XYLT1: variants seen among roughly 807,000 people sequenced by gnomAD.
XYLT1 encodes xylosyltransferase 1.
A neutral mutation model predicts 91.3 loss-of-function variants in XYLT1; 36 were observed. That is an observed-to-expected ratio of 0.39 (90% CI 0.30 to 0.52). XYLT1 has a LOEUF of 0.52. XYLT1 is among the 20% of genes least tolerant of loss of function. The pLI, the probability that XYLT1 is intolerant of heterozygous loss-of-function variation, is 0.68. For synonymous variants in XYLT1, 588 were observed against 532.0 expected, an observed-to-expected ratio of 1.11 and a Z score of -1.45; for missense variants, 1,242 against 1,284.5, an observed-to-expected ratio of 0.97 and a Z score of 0.51.
intron 3 of XYLT1, among the ~76,000 whole-genome samples, chr16:17,219,377 C>G (rs1046380654): frequency 2.6e-5 from 4 of 151,744 alleles, no homozygotes; most frequent in African/African-American, 7.3e-5. Context: ...CACACTGGAC[C>G]AGATGGACAT....
chr16:17,249,686 T>C, intron 3 of XYLT1: 1 of 148,024 alleles, frequency 6.8e-6, no homozygotes, highest in Non-Finnish European at 1.5e-5. Flanking sequence ...TTGTTTGTTT[T>C]GAGATAAAGT....
intron 2 of XYLT1, among the ~76,000 whole-genome samples, chr16:17,307,824 C>A (rs865943493): frequency 5.9e-5 from 9 of 152,282 alleles, no homozygotes; most frequent in Middle Eastern, 3.4e-3. Flanking sequence ...GGAGAGAAAA[C>A]CCAGCAGGGG....
chr16:17,298,017 C>T (rs1299288856), intron 2 of XYLT1, among the ~76,000 whole-genome samples: 1 of 147,482 alleles, frequency 6.8e-6, no homozygotes, highest in Non-Finnish European at 1.5e-5. Flanking sequence ...GAGACTCCGT[C>T]TCAAAAAAAA....
At chr16:17,302,826 T>C (rs1055025962) in intron 2 of XYLT1, among the ~76,000 whole-genome samples, 1 of 150,742 alleles carries the variant, frequency 6.6e-6, no homozygotes, top group Admixed American at 6.6e-5. Context: ...CAATAACGGG[T>C]TACTCAATCC....
chr16:17,431,148 A>C (rs977544193), intron 1 of XYLT1, among the ~76,000 whole-genome samples: 1 of 152,208 alleles, frequency 6.6e-6, no homozygotes. Context: ...GAGTAGCCAC[A>C]AAAAACAACA....
At chr16:17,275,674 C>T (rs917571569) in intron 2 of XYLT1, among the ~76,000 whole-genome samples, 17 of 152,162 alleles carry the variant, frequency 1.1e-4, no homozygotes, top group Admixed American at 6.5e-4. Flanking sequence ...CCCTATACAC[C>T]TTCTCTGTCT....
intron 9 of XYLT1, among the ~76,000 whole-genome samples, chr16:17,131,656 T>G (rs746607431): frequency 2.0e-5 from 3 of 152,164 alleles, no homozygotes; most frequent in Non-Finnish European, 2.9e-5. Flanking sequence ...CAACCTGCCA[T>G]TTCAGAAACT....
intron 2 of XYLT1, among the ~76,000 whole-genome samples, chr16:17,313,471 G>C (rs1355451844): frequency 6.6e-6 from 1 of 152,192 alleles, no homozygotes; most frequent in Non-Finnish European, 1.5e-5. Context: ...GGGCTCCTTG[G>C]AAGGGAATGT....
chr16:17,280,242 C>T (rs936135436), intron 2 of XYLT1, among the ~76,000 whole-genome samples: 4 of 152,088 alleles, frequency 2.6e-5, no homozygotes, highest in Non-Finnish European at 4.4e-5. Flanking sequence ...CCCAGATACT[C>T]GGGAGGCTGA....
At chr16:17,400,610 AG>A (rs2035951475) in intron 1 of XYLT1, among the ~76,000 whole-genome samples, 1 of 122,124 alleles carries the variant, frequency 8.2e-6, no homozygotes, top group Admixed American at 8.4e-5. Flanking sequence ...AAAGAGAGGG[AG>A]GGAGGGAGGG....
intron 1 of XYLT1, among the ~76,000 whole-genome samples, chr16:17,464,390 G>A (rs1164136211): frequency 2.0e-5 from 3 of 151,780 alleles, no homozygotes; most frequent in Non-Finnish European, 2.9e-5. Context: ...TAATCAGGAG[G>A]CTGAGGCAGG....
At chr16:17,342,906 T>C (rs2035084079) in intron 2 of XYLT1, among the ~76,000 whole-genome samples, 1 of 152,214 alleles carries the variant, frequency 6.6e-6, no homozygotes, top group African/African-American at 2.4e-5. Context: ...TATGATATGC[T>C]ATTGATAATT....
chr16:17,159,582 G>A (rs1475651203), intron 5 of XYLT1, among the ~76,000 whole-genome samples: 1 of 152,186 alleles, frequency 6.6e-6, no homozygotes, highest in African/African-American at 2.4e-5. Context: ...ATGAATCAAA[G>A]TGATGTGTGT....
intron 2 of XYLT1, among the ~76,000 whole-genome samples, chr16:17,266,132 C>A (rs996796231): frequency 6.6e-6 from 1 of 152,138 alleles, no homozygotes; most frequent in Non-Finnish European, 1.5e-5. Context: ...CCTCTATTAT[C>A]GTCTATAGCA....
chr16:17,351,134 T>C (rs975561569), intron 2 of XYLT1, among the ~76,000 whole-genome samples: 4 of 152,202 alleles, frequency 2.6e-5, no homozygotes, highest in Non-Finnish European at 4.4e-5. Flanking sequence ...ACTCAGTTTT[T>C]AAACACATGA....
In XYLT1 at chr16:17,198,427, G is replaced by C; in HGVS notation, c.1087-13C>G. 6 of 1,612,696 alleles carry C rather than the reference G, an allele frequency of 3.7e-6. No individual in the cohort carries two copies. Among genetic ancestry groups the C allele is most frequent in the Non-Finnish European group, 5.1e-6 (6 of 1,179,210 alleles). ...GGTAATTAGAGCGCTTTTCCCAGGA[G>C]AGAAAGGGTGATGACAGTCAGTGGC... On this transcript the variant is annotated splice_polypyrimidine_tract_variant and intron_variant, in intron 4 of 11. Coordinates refer to ENST00000261381, the MANE Select transcript of XYLT1 (RefSeq NM_022166.4).
intron 2 of XYLT1, among the ~76,000 whole-genome samples, chr16:17,303,860 G>T (rs2034433539): frequency 6.6e-6 from 1 of 152,016 alleles, no homozygotes; most frequent in African/African-American, 2.4e-5. Context: ...GACATTTCTG[G>T]AACTGAGGCT....
intron 3 of XYLT1, among the ~76,000 whole-genome samples, chr16:17,231,584 G>A (rs1329634411): frequency 6.6e-6 from 1 of 152,130 alleles, no homozygotes; most frequent in Admixed American, 6.5e-5. Flanking sequence ...GTTGCTGTGA[G>A]ACTATCACAG....
intron 2 of XYLT1, among the ~76,000 whole-genome samples, chr16:17,303,331 C>G (rs990149040): frequency 2.6e-5 from 4 of 152,224 alleles, no homozygotes; most frequent in African/African-American, 9.6e-5. Context: ...AGCTACTGTA[C>G]AGCCACGCTG....
Sources: allele counts gnomAD v4.1 joint callset (sites outside exome capture counted in the v4.1 genomes callset), GRCh38; gene constraint gnomAD v4.1.1; transcripts MANE v1.5; gene names NCBI Gene and HGNC (gene_info 2026-07-23, HGNC 2026-07-21).